The following USP44 variants were observed in gnomAD, a reference collection of about 807,000 sequenced individuals.
USP44 encodes ubiquitin specific peptidase 44, also known as ubiquitin carboxyl-terminal hydrolase 44.
In USP44, 61 loss-of-function variants were observed where a neutral mutation model predicts 69.0. The ratio of observed to expected loss-of-function variants is 0.88; its 90% CI spans 0.72 to 1.09. The LOEUF (loss-of-function observed/expected upper bound fraction) is 1.09, where lower values mean the gene tolerates loss of function less well. Among genes scored for constraint, USP44 ranks in the 50% least tolerant of loss-of-function variants. The pLI is 0.00. For synonymous variants in USP44, 297 were observed against 295.4 expected (o/e 1.01, Z -0.06); for missense variants, 753 against 849.9 (o/e 0.89, Z 1.42).
At chr12:95,542,243 T>A (rs767139519) in intron 1 of USP44, among the ~76,000 whole-genome samples, 5 of 152,166 alleles carry the variant, frequency 3.3e-5, no homozygotes, top group Non-Finnish European at 5.9e-5. Context: ...CAAATGTGAA[T>A]CCTTGTGTTA....
In USP44 at chr12:95,525,628, G is replaced by A. The variant is rs146621359; in HGVS notation, c.1625-840C>T. Reference sequence around the variant, plus strand: ...CACCTCAGCCCTGGCCAACGGCCTAGGAAAGCAGGACTTTACCAGTTCTGA... The same window carrying A: ...CACCTCAGCCCTGGCCAACGGCCTAAGAAAGCAGGACTTTACCAGTTCTGA... On this transcript the variant is annotated intron_variant, in intron 3 of 5. Transcript: ENST00000258499. Among the ~76,000 whole-genome samples, 506 of 152,354 alleles carry A rather than the reference G, an allele frequency of 3.3e-3. 2 individuals are homozygous for A. Among genetic ancestry groups the A allele is most frequent in the African/African-American group, 0.012 (481 of 41,578 alleles).
chr12:95,520,929 A>T lies in USP44; in HGVS notation c.1939+68T>A, dbSNP rs2076639473. On this transcript the variant is annotated intron_variant, in intron 5 of 5. Transcript: ENST00000258499. ...TTTATGATTTAGTAGTCAATTTAGA[A>T]ATCGGTTAAAGCCTGAACTCCAGCC... 6.9e-6 allele frequency: 10 copies of T among 1,440,498 alleles called. No individual in the cohort carries two copies. In the South Asian group the frequency reaches 1.2e-4, roughly 17 times the overall value. The allele number at this position is 1,440,498 out of a possible 1,614,324, so 89.2% of individuals were successfully genotyped here.
chr12:95,539,630 G>C (rs2077325191), intron 1 of USP44, among the ~76,000 whole-genome samples: 1 of 152,158 alleles, frequency 6.6e-6, no homozygotes, highest in Admixed American at 6.5e-5. Context: ...AGTGCAAAAA[G>C]ACAATAAAAC....
In USP44 at chr12:95,518,349, G is replaced by A. The variant is rs1175723403; in HGVS notation, c.1944C>T (p.Phe648=). The A allele has an allele frequency of 6.2e-7, 1 of 1,613,998 alleles. No individual in the cohort carries two copies. The highest frequency in any genetic ancestry group is 1.3e-5 in the African/African-American group (1 of 75,058). Residue 648 remains phenylalanine, a synonymous_variant, in exon 6 of 6, where the codon TTC becomes TTT. Coordinates refer to ENST00000258499, the MANE Select transcript of USP44 (RefSeq NM_032147.5). The stretch of plus-strand genomic sequence containing the variant: ...GTTTGGAATCATTGCAGTGTACCCA[G>A]AACCCTAGAGTGAAGCACAGAAATA... The part of the protein sequence containing the change: ...TAYCYNSEGG[F]WVHCNDSKLS...
In USP44 at chr12:95,528,795, G is replaced by A. The variant is rs764905755; in HGVS notation, c.1624+12C>T. Reference sequence around the variant, plus strand: ...CCTAGGAAAGCACCAAGAACACAACGTCTTTACTCACAGTTACACTGGTCA... The same window carrying A: ...CCTAGGAAAGCACCAAGAACACAACATCTTTACTCACAGTTACACTGGTCA... On this transcript the variant is annotated intron_variant, in intron 3 of 5. Transcript: ENST00000258499. 12 of 1,607,486 alleles carry A rather than the reference G, an allele frequency of 7.5e-6. No homozygotes were observed. Among genetic ancestry groups the A allele is most frequent in the Non-Finnish European group, 8.5e-6 (10 of 1,177,204 alleles).
intron 1 of USP44, among the ~76,000 whole-genome samples, chr12:95,540,047 C>A (rs529658842): frequency 1.3e-5 from 2 of 152,078 alleles, no homozygotes; most frequent in Non-Finnish European, 2.9e-5. Context: ...TAGTGTAATA[C>A]CTTCCTGTTG....
intron 3 of USP44, among the ~76,000 whole-genome samples, chr12:95,525,047 T>C (rs902437815): frequency 2.0e-5 from 3 of 152,324 alleles, no homozygotes; most frequent in Admixed American, 6.5e-5. Context: ...TATAATGTGA[T>C]AGAACAAAGT....
At chr12:95,542,839 A>C (rs1303366501) in intron 1 of USP44, among the ~76,000 whole-genome samples, 2 of 152,068 alleles carry the variant, frequency 1.3e-5, no homozygotes, top group East Asian at 3.9e-4. Flanking sequence ...CTGTAATCCC[A>C]GCACTTTGGG....
chr12:95,543,425 A>AAG (rs1565839720), intron 1 of USP44, among the ~76,000 whole-genome samples: 1 of 150,282 alleles, frequency 6.7e-6, no homozygotes, highest in African/African-American at 2.4e-5. Context: ...AAAAAAAAAA[A>AAG]AAAGAAAAAG....
chr12:95,540,588 C>T (rs970092770), intron 1 of USP44, among the ~76,000 whole-genome samples: 5 of 152,140 alleles, frequency 3.3e-5, no homozygotes, highest in Non-Finnish European at 7.4e-5. Flanking sequence ...GTGATCTGAC[C>T]ACCCTCAGCC....
At position 95,533,544 on chromosome 12, in the gene USP44, G is replaced by C; in HGVS notation, c.713C>G (p.Ala238Gly). The C allele has an allele frequency of 6.2e-7, 1 of 1,613,654 alleles. No homozygotes were observed. The highest frequency in any genetic ancestry group is 8.5e-7 in the Non-Finnish European group (1 of 1,179,830). Residue 238 changes from alanine (A) to glycine (G), a missense_variant, in exon 2 of 6, where the codon GCA becomes GGA. Ala to Gly is a moderately conservative substitution (Grantham distance 60). Coordinates refer to ENST00000258499, the MANE Select transcript of USP44 (RefSeq NM_032147.5). The part of the protein sequence containing the change: ...VSVQVPAQTP[A>G]SPAKDKVLST... ...GAGTACTTTATCTTTTGCTGGTGAT[G>C]CTGGCGTTTGTGCTGGCACCTGAAC...
Position 95,528,867 on chromosome 12 carries a change from C to T in USP44, c.1564G>A (p.Ala522Thr). Reference protein sequence around the residue: ...SQPCLVTEMLAKFTETEALEG... With the variant: ...SQPCLVTEMLTKFTETEALEG... ...AAAGCTTCAGTTTCTGTAAATTTGG[C>T]CAACATTTCAGTAACCAGACATGGC... is the stretch of plus-strand genomic sequence containing the variant. The change falls in exon 3 of 6, where the codon GCC (alanine) becomes ACC (threonine). Residue 522 changes from alanine (A) to threonine (T), a missense_variant. Coordinates refer to ENST00000258499, the MANE Select transcript of USP44 (RefSeq NM_032147.5). 6.2e-7 allele frequency: 1 copy of T among 1,614,014 alleles called. No individual in the cohort carries two copies. The highest frequency in any genetic ancestry group is 8.5e-7 in the Non-Finnish European group (1 of 1,179,982).
At position 95,518,183 on chromosome 12, in the gene USP44, C is replaced by A. The variant is rs367906455; in HGVS notation, c.2110G>T (p.Asp704Tyr). The change falls in exon 6 of 6, where the codon GAT (aspartate) becomes TAT (tyrosine). Residue 704 changes from aspartate (D) to tyrosine (Y), a missense_variant. Asp to Tyr is a radical substitution (Grantham distance 160). Transcript: ENST00000258499. ...CTAAGGATTTCATTAGACGAGGTAT[C>A]AGCGTCTTCATTGGGATGTTGGCTC... is the stretch of plus-strand genomic sequence containing the variant. The part of the protein sequence containing the change: ...LGSQHPNEDA[D>Y]TSSNEILS 6 of 1,614,022 alleles carry A rather than the reference C, an allele frequency of 3.7e-6. No individual in the cohort carries two copies. The African/African-American group carries it at 8.0e-5, about 22-fold the overall frequency.
rs754631408 is a variant in USP44, at chr12:95,533,364, C to A, written c.893G>T (p.Arg298Leu). ...LQVLSHLLIFRQCFLKLDLNQ... is the reference protein window; with the variant it reads ...LQVLSHLLIFLQCFLKLDLNQ... ...CAGATCAAGCTTTAAAAAACATTGTCGAAAAATAAGTAAATGACTCAACAC... is the reference window on the plus strand; with the variant it reads ...CAGATCAAGCTTTAAAAAACATTGTAGAAAAATAAGTAAATGACTCAACAC... The change falls in exon 2 of 6, where the codon CGA becomes CTA. Residue 298 changes from arginine to leucine, a missense_variant. Transcript: ENST00000258499. 2.5e-6 allele frequency: 4 copies of A among 1,612,824 alleles called. No homozygotes were observed. The highest frequency in any genetic ancestry group is 3.4e-6 in the Non-Finnish European group (4 of 1,179,480).
chr12:95,524,665 G>T lies in USP44; in HGVS notation c.1733+15C>A. The T allele has an allele frequency of 1.3e-6, 2 of 1,564,402 alleles. No homozygotes were observed. Among genetic ancestry groups the T allele is most frequent in the Non-Finnish European group, 1.7e-6 (2 of 1,154,936 alleles). On this transcript the variant is annotated intron_variant, in intron 4 of 5. Transcript: ENST00000258499. ...CACAAGGAATGATAACTTTGCAACT[G>T]GTCCTACTACAGACCTGAATCGTTT...
chr12:95,520,622 C>G (rs984397129), intron 5 of USP44, among the ~76,000 whole-genome samples: 3 of 152,120 alleles, frequency 2.0e-5, no homozygotes, highest in African/African-American at 7.2e-5. Flanking sequence ...AGTGTTTGTT[C>G]CAAATATCTA....
intron 1 of USP44, chr12:95,546,857 C>T (rs971329402): frequency 6.6e-6 from 1 of 152,236 alleles, no homozygotes; most frequent in African/African-American, 2.4e-5. Context: ...AACACAGACT[C>T]TGCCCTCAAA....
At chr12:95,546,950 G>A (rs2077590924) in intron 1 of USP44, 1 of 152,136 alleles carries the variant, frequency 6.6e-6, no homozygotes, top group African/African-American at 2.4e-5. Context: ...TGGTAGAGTG[G>A]ATATGACGCT....
intron 1 of USP44, among the ~76,000 whole-genome samples, chr12:95,544,968 A>G (rs2077525538): frequency 6.6e-6 from 1 of 152,206 alleles, no homozygotes; most frequent in South Asian, 2.1e-4. Flanking sequence ...AAAGACCACA[A>G]GCTAAATCTA....
Sources: allele counts gnomAD v4.1 joint callset (sites outside exome capture counted in the v4.1 genomes callset), GRCh38; gene constraint gnomAD v4.1.1; transcripts MANE v1.5; gene names NCBI Gene and HGNC (gene_info 2026-07-23, HGNC 2026-07-21).